The following CDYL variants were observed in gnomAD, a reference collection of about 807,000 sequenced individuals.
The protein encoded by CDYL is chromodomain Y like.
In CDYL, 8 loss-of-function variants were observed where a neutral mutation model predicts 47.3. That is an observed-to-expected ratio of 0.17 (90% CI 0.10 to 0.31). The LOEUF (loss-of-function observed/expected upper bound fraction) is 0.31. Ranked by LOEUF, CDYL falls within the 10% of genes least tolerant of loss-of-function variation. The probability of loss-of-function intolerance (pLI) is 1.00; values close to 1 mark genes in which losing one functional copy is unlikely to be tolerated. For synonymous variants in CDYL, 266 were observed against 265.0 expected, an observed-to-expected ratio of 1.00 and a Z score of -0.04; for missense variants, 471 against 701.4, an observed-to-expected ratio of 0.67 and a Z score of 3.71.
At chr6:4,921,618 C>A (rs1401281178) in intron 2 of CDYL, among the ~76,000 whole-genome samples, 1 of 152,120 alleles carries the variant, frequency 6.6e-6, no homozygotes, top group Admixed American at 6.5e-5. Flanking sequence ...TTTCCAATGC[C>A]TCCACCTTTG....
intron 1 of CDYL, among the ~76,000 whole-genome samples, chr6:4,778,316 A>T (rs1445668057): frequency 6.6e-6 from 1 of 152,232 alleles, no homozygotes; most frequent in Non-Finnish European, 1.5e-5. Flanking sequence ...AATCAGTTCC[A>T]TCAGTGGATG....
intron 1 of CDYL, among the ~76,000 whole-genome samples, chr6:4,875,687 G>A (rs912193455): frequency 2.0e-5 from 3 of 152,004 alleles, no homozygotes; most frequent in Admixed American, 6.6e-5. Context: ...TATTTTCTGA[G>A]AATTTTTAAA....
rs143826076 is a variant in CDYL at position 4,928,026 on chromosome 6, T to A, written c.692-7489T>A. On this transcript the variant is annotated intron_variant, in intron 2 of 6. Transcript: ENST00000397588. ...TAGCTCATCATTTTCCTCTAGCTCA[T>A]CATTTTCCCCTGTGCTAGAACTGTG... Among the ~76,000 whole-genome samples, 57 of 152,364 alleles carry A rather than the reference T, an allele frequency of 3.7e-4. No individual in the cohort carries two copies. In the East Asian group the frequency reaches 0.011, roughly 29 times the overall value.
intron 1 of CDYL, among the ~76,000 whole-genome samples, chr6:4,802,857 G>T (rs1234113441): frequency 3.9e-5 from 6 of 152,076 alleles, no homozygotes; most frequent in African/African-American, 1.4e-4. Context: ...GGTTTTCAGA[G>T]GCCACAGGAT....
At chr6:4,890,854 A>C (rs1165503042) in intron 1 of CDYL, among the ~76,000 whole-genome samples, 1 of 152,258 alleles carries the variant, frequency 6.6e-6, no homozygotes, top group South Asian at 2.1e-4. Context: ...TGATGCTTTT[A>C]TAGTAACTGC....
At chr6:4,754,562 A>G (rs1433352223) in intron 3 of CDYL, among the ~76,000 whole-genome samples, 2 of 152,212 alleles carry the variant, frequency 1.3e-5, no homozygotes, top group African/African-American at 2.4e-5. Flanking sequence ...CTCTGAGTAT[A>G]TTAAACAAAA....
intron 1 of CDYL, among the ~76,000 whole-genome samples, chr6:4,777,538 C>T (rs1489524388): frequency 6.6e-6 from 1 of 152,134 alleles, no homozygotes; most frequent in Non-Finnish European, 1.5e-5. Flanking sequence ...CTTCTTTTGA[C>T]GTATTTCAAA....
intron 3 of CDYL, among the ~76,000 whole-genome samples, chr6:4,753,428 C>T (rs1471617629): frequency 6.6e-6 from 1 of 152,124 alleles, no homozygotes; most frequent in African/African-American, 2.4e-5. Flanking sequence ...CAGCTTTGAA[C>T]TCCCTGCTGT....
chr6:4,739,458 G>T (rs1157406094), intron 3 of CDYL, among the ~76,000 whole-genome samples: 2 of 148,998 alleles, frequency 1.3e-5, no homozygotes, highest in Non-Finnish European at 3.0e-5. Context: ...GGCAGAGGTT[G>T]CAGTGAGCCG....
At chr6:4,916,684 G>T (rs1357361902) in intron 2 of CDYL, among the ~76,000 whole-genome samples, 1 of 152,196 alleles carries the variant, frequency 6.6e-6, no homozygotes, top group African/African-American at 2.4e-5. Context: ...CTTTATCTGA[G>T]TGGTTCATTC....
chr6:4,792,930 G>A (rs1185446794), intron 1 of CDYL, among the ~76,000 whole-genome samples: 1 of 152,116 alleles, frequency 6.6e-6, no homozygotes, highest in Non-Finnish European at 1.5e-5. Context: ...TTAGTAAATA[G>A]ACCATCTCTC....
chr6:4,831,749 A>G (rs1046624488), intron 1 of CDYL, among the ~76,000 whole-genome samples: 2 of 152,060 alleles, frequency 1.3e-5, no homozygotes, highest in Non-Finnish European at 2.9e-5. Context: ...CTTTAATTTC[A>G]TTGAGCAGTG....
At chr6:4,909,885 T>A (rs1936144367) in intron 2 of CDYL, among the ~76,000 whole-genome samples, 1 of 152,082 alleles carries the variant, frequency 6.6e-6, no homozygotes, top group Non-Finnish European at 1.5e-5. Flanking sequence ...ATTTCATACT[T>A]CTTACTGTGG....
chr6:4,844,830 GTAT>G (rs1760607044), intron 1 of CDYL, among the ~76,000 whole-genome samples: 1 of 151,922 alleles, frequency 6.6e-6, no homozygotes, highest in African/African-American at 2.4e-5. Context: ...GAGATGTGAA[GTAT>G]TATAGCTCAA....
intron 2 of CDYL, among the ~76,000 whole-genome samples, chr6:4,927,263 G>C (rs986062775): frequency 6.6e-6 from 1 of 152,018 alleles, no homozygotes; most frequent in Non-Finnish European, 1.5e-5. Flanking sequence ...TTACAAAATT[G>C]CTTTCTAGGA....
Position 4,937,681 on chromosome 6 carries a change from A to T in CDYL, c.1065A>T (p.Ile355=). Residue 355 remains isoleucine (I), a synonymous_variant, in exon 4 of 7, where the codon ATA becomes ATT. Coordinates refer to ENST00000397588, the MANE Select transcript of CDYL (RefSeq NM_004824.4). The part of the protein sequence containing the change: ...FCCGLDFIYF[I]RRLTDDRKRE... ...GTGGACTTGACTTTATTTATTTTAT[A>T]CGACGTCTGACAGATGACAGGAAAA... 3 of 1,613,850 alleles carry T rather than the reference A, an allele frequency of 1.9e-6. No individual in the cohort carries two copies. The highest frequency in any genetic ancestry group is 4.5e-5 in the East Asian group (2 of 44,868).
intron 1 of CDYL, among the ~76,000 whole-genome samples, chr6:4,853,892 C>T (rs545129215): frequency 7.9e-4 from 120 of 152,106 alleles, no homozygotes; most frequent in Admixed American, 1.7e-3. Flanking sequence ...CCCGTGCCTT[C>T]GCACACCTTG....
At chr6:4,929,818 T>G (rs1262695451) in intron 2 of CDYL, among the ~76,000 whole-genome samples, 1 of 152,166 alleles carries the variant, frequency 6.6e-6, no homozygotes, top group Non-Finnish European at 1.5e-5. Context: ...CATCTCTCAT[T>G]TTTAGTCTTT....
At chr6:4,818,785 C>T (rs1205695903) in intron 1 of CDYL, among the ~76,000 whole-genome samples, 1 of 152,170 alleles carries the variant, frequency 6.6e-6, no homozygotes, top group African/African-American at 2.4e-5. Flanking sequence ...AATTGCTTAG[C>T]ATGAAAACTG....
Sources: gnomAD v4.1 joint callset for allele counts (sites outside exome capture counted in the v4.1 genomes callset) on GRCh38, gnomAD v4.1.1 for gene constraint, MANE v1.5 for transcripts, NCBI Gene and HGNC (gene_info 2026-07-23, HGNC 2026-07-21) for gene names.